Variants in USP6 observed in about 807,000 individuals in gnomAD.
The protein encoded by USP6 is ubiquitin carboxyl-terminal hydrolase 6.
In USP6, 128 loss-of-function variants were observed where a neutral mutation model predicts 175.7. The observed-to-expected ratio is 0.73, with a 90% CI of 0.63 to 0.84. The LOEUF (loss-of-function observed/expected upper bound fraction) is 0.84, where lower values mean the gene tolerates loss of function less well. Among genes scored for constraint, USP6 ranks in the 40% least tolerant of loss-of-function variants. The pLI is 0.00. For missense variants in USP6, 1,498 were observed against 1,760.3 expected, an observed-to-expected ratio of 0.85 and a Z score of 2.67; for synonymous variants, 562 against 630.6, an observed-to-expected ratio of 0.89 and a Z score of 1.63.
intron 36 of USP6, 105 bp downstream of exon 36, chr17:5,171,020 A>G: frequency 7.3e-7 from 1 of 1,378,810 alleles, no homozygotes; most frequent in Non-Finnish European, 9.9e-7. Flanking sequence ...ATTTCCTAGC[A>G]TTGAGCTTAG....
Position 5,124,949 on chromosome 17 carries a change from A to G in USP6, c.-915A>G, listed in dbSNP as rs1380830671. 2 of 152,242 alleles carry G rather than the reference A, an allele frequency of 1.3e-5. No individual in the cohort carries two copies. Among genetic ancestry groups the G allele is most frequent in the Non-Finnish European group, 2.9e-5 (2 of 68,054 alleles). The allele number at this position is 152,242 out of a possible 1,614,324, so 9.4% of individuals were successfully genotyped here. A position where few individuals can be genotyped will look rare whatever the true frequency, so the allele number is the denominator to read the frequency against. On this transcript the variant is annotated 5_prime_UTR_variant, in exon 5 of 38. Coordinates refer to ENST00000574788, the MANE Select transcript of USP6 (RefSeq NM_001304284.2). ...TAATAATGTATTTATCTTGCTGGGT[A>G]AATGAGGGATACCCAACTGTTAGGA...
Position 5,170,431 on chromosome 17 carries a change from C to T in USP6, c.3518-48C>T, listed in dbSNP as rs776987352. On this transcript the variant is annotated intron_variant, in intron 35 of 37. Coordinates refer to ENST00000574788, the MANE Select transcript of USP6 (RefSeq NM_001304284.2). ...GGAGTTAGCATTTGGGGCTGGCTTA[C>T]TTTCTGGCATTTGGATTTGTGAATC... is the stretch of plus-strand genomic sequence containing the variant. 1.9e-5 allele frequency: 29 copies of T among 1,540,146 alleles called. No individual in the cohort carries two copies. In the East Asian group the frequency reaches 3.2e-4, roughly 17 times the overall value.
chr17:5,117,967 G>A (rs2072571639), intron 1 of USP6, among the ~76,000 whole-genome samples: 1 of 151,860 alleles, frequency 6.6e-6, no homozygotes, highest in South Asian at 2.1e-4. Context: ...TCCTCAGGAG[G>A]CTGAGGCAGG....
In USP6 at chr17:5,136,713, A is replaced by C. The variant is rs769349012; in HGVS notation, c.738A>C (p.Gln246His). 1 of 1,612,274 alleles carries C rather than the reference A, an allele frequency of 6.2e-7. No homozygotes were observed. The change falls in exon 18 of 38, where the codon CAA becomes CAC. Residue 246 changes from glutamine (Q) to histidine (H), a missense_variant. Physicochemically the swap from Gln to His is conservative, Grantham distance 24. Around this residue, in one of 2 missense-constraint regions of USP6, gnomAD observed 1,217 missense variants for 1,500.8 expected, o/e 0.81. Transcript: ENST00000574788. ...AGGAGCATGTGGTACCCAAGTCACA[A>C]CCCAAGACCATGTGGCATCAGGTGA... ...DQQEHVVPKS[Q>H]PKTMWHQDKE...
At chr17:5,119,716 A>C (rs1427520957) in intron 2 of USP6, among the ~76,000 whole-genome samples, 1 of 152,202 alleles carries the variant, frequency 6.6e-6, no homozygotes, top group Non-Finnish European at 1.5e-5. Context: ...GCTAATTATT[A>C]TAATTAATTA....
rs763923253 is a variant in USP6, at chr17:5,130,411, G to A, written c.44G>A (p.Arg15Gln). The A allele has an allele frequency of 8.7e-6, 14 of 1,614,010 alleles. No individual in the cohort carries two copies. The highest frequency in any genetic ancestry group is 1.7e-5 in the Admixed American group (1 of 59,992). The change falls in exon 10 of 38, where the codon CGG becomes CAG. Residue 15 changes from arginine to glutamine, a missense_variant. Physicochemically the swap from Arg to Gln is conservative, Grantham distance 43 (BLOSUM62 1). Coordinates refer to ENST00000574788, the MANE Select transcript of USP6 (RefSeq NM_001304284.2). ...ENADSLQAQERKDILMKYDKG... is the reference protein window; with the variant it reads ...ENADSLQAQEQKDILMKYDKG... ...GCAGATAGTTTGCAGGCACAGGAGCGGAAGGACATACTTATGAAGTATGAC... is the reference window on the plus strand; with the variant it reads ...GCAGATAGTTTGCAGGCACAGGAGCAGAAGGACATACTTATGAAGTATGAC...
At chr17:5,128,308 G>A (rs558901299) in intron 7 of USP6, 1 of 152,268 alleles carries the variant, frequency 6.6e-6, no homozygotes, top group African/African-American at 2.4e-5. Flanking sequence ...GAATATCCAA[G>A]GGTCATGGAG....
chr17:5,139,623 T>A lies in USP6; in HGVS notation c.1447T>A (p.Ser483Thr). 6.2e-7 allele frequency: 1 copy of A among 1,613,110 alleles called. No individual in the cohort carries two copies. Among genetic ancestry groups the A allele is most frequent in the Non-Finnish European group, 8.5e-7 (1 of 1,180,004 alleles). The part of the protein sequence containing the change: ...FEWSCWVRAI[S>T]QEDQLATCWQ... ...ATGGAGCTGCTGGGTCCGTGCCATA[T>A]CCCAGGAGGACCAGCTGGCCACCTG... is the stretch of plus-strand genomic sequence containing the variant. Residue 483 changes from serine (S) to threonine (T), a missense_variant, in exon 22 of 38, where the codon TCC becomes ACC. Physicochemically the swap from Ser to Thr is moderately conservative, Grantham distance 58. Around this residue, in one of 2 missense-constraint regions of USP6, gnomAD observed 1,217 missense variants for 1,500.8 expected, o/e 0.81. Transcript: ENST00000574788.
In USP6 at chr17:5,132,044, G is replaced by A. The variant is rs760205449; in HGVS notation, c.156-352G>A. Among the ~76,000 whole-genome samples the A allele has an allele frequency of 1.3e-5, 2 of 152,076 alleles. No homozygotes were observed. The highest frequency in any genetic ancestry group is 2.4e-5 in the African/African-American group (1 of 41,388). On this transcript the variant is annotated intron_variant, in intron 11 of 37. Coordinates refer to ENST00000574788, the MANE Select transcript of USP6 (RefSeq NM_001304284.2). This position sits in a 1 kb window ranked among gnomAD's most constrained non-coding sequence, Gnocchi z 4.7. The stretch of plus-strand genomic sequence containing the variant: ...GAGGGACTCCTGTCAGGGCCCGGTC[G>A]CCCATGCTGGGTGGCCCCCATCCCA...
Position 5,173,630 on chromosome 17 carries a change from A to G in USP6, c.*652A>G, listed in dbSNP as rs1598117384. Reference sequence around the variant, plus strand: ...GTCAGTCTGAAAGGGAGGCTCTCTTAAGAGCTATGTGCCTTCCAACCAGAG... The same window carrying G: ...GTCAGTCTGAAAGGGAGGCTCTCTTGAGAGCTATGTGCCTTCCAACCAGAG... On this transcript the variant is annotated 3_prime_UTR_variant, in exon 38 of 38. Transcript: ENST00000574788. 1 of 219,840 alleles carries G rather than the reference A, an allele frequency of 4.5e-6. No individual in the cohort carries two copies. Among genetic ancestry groups the G allele is most frequent in the East Asian group, 6.7e-5 (1 of 14,998 alleles). 13.6% of individuals were successfully genotyped at this position (219,840 alleles called of 1,614,324 possible).
At chr17:5,135,760 T>C in intron 16 of USP6, 48 bp from the exon 17 acceptor site, 1 of 1,597,196 alleles carries the variant, frequency 6.3e-7, no homozygotes, top group East Asian at 2.2e-5. Context: ...CCAGGTGACC[T>C]CAGCCCTCCC....
rs1030771850 is a variant in USP6, at chr17:5,148,604, A to G, written c.2480A>G (p.Asn827Ser). 9.9e-6 allele frequency: 16 copies of G among 1,613,846 alleles called. No homozygotes were observed. The highest frequency in any genetic ancestry group is 6.7e-5 in the Admixed American group (4 of 60,000). The change falls in exon 30 of 38, where the codon AAT becomes AGT. Residue 827 changes from asparagine to serine, a missense_variant. By Grantham distance (46) the Asn-to-Ser change is conservative. Coordinates refer to ENST00000574788, the MANE Select transcript of USP6 (RefSeq NM_001304284.2). ...AATGGAATGTTCACCCTAACTACCA[A>G]TGGGGACCTACCCAAACCAATATTC... The part of the protein sequence containing the change: ...STNGMFTLTT[N>S]GDLPKPIFIP...
chr17:5,134,294 A>G, intron 15 of USP6: 2 of 376,028 alleles, frequency 5.3e-6, no homozygotes, highest in Non-Finnish European at 1.0e-5. Flanking sequence ...CCATGGTAGG[A>G]CCCACAGGAG....
In USP6 at chr17:5,171,640, A is replaced by G. The variant is rs1486327677; in HGVS notation, c.4008A>G (p.Pro1336=). The G allele has an allele frequency of 2.5e-6, 4 of 1,613,886 alleles. No individual in the cohort carries two copies. The highest frequency in any genetic ancestry group is 3.4e-6 in the Non-Finnish European group (4 of 1,179,820). The change falls in exon 37 of 38, where the codon CCA becomes CCG. Residue 1336 remains proline (P), a synonymous_variant. Coordinates refer to ENST00000574788, the MANE Select transcript of USP6 (RefSeq NM_001304284.2). ...GGHYITYAKN[P]NCKWYCYNDS... The stretch of plus-strand genomic sequence containing the variant: ...ATTACATCACTTATGCCAAAAACCC[A>G]AACTGCAAGTGGTACTGTTATAATG...
At chr17:5,159,246 T>C (rs542959530) in intron 31 of USP6, among the ~76,000 whole-genome samples, 1 of 152,180 alleles carries the variant, frequency 6.6e-6, no homozygotes, top group East Asian at 1.9e-4. Flanking sequence ...CCCAAAAAGA[T>C]AGGAGGTTGT....
chr17:5,154,635 C>T (rs1043494329), intron 30 of USP6, among the ~76,000 whole-genome samples: 19 of 152,134 alleles, frequency 1.2e-4, no homozygotes, highest in African/African-American at 4.6e-4. Flanking sequence ...TTTCACAAAT[C>T]TCCAAAACTT....
At chr17:5,148,083 T>C (rs1418585902) in intron 29 of USP6, among the ~76,000 whole-genome samples, 1 of 152,158 alleles carries the variant, frequency 6.6e-6, no homozygotes, top group Non-Finnish European at 1.5e-5. Flanking sequence ...TTCACCATGT[T>C]GCCTAGGCTG....
chr17:5,145,704 G>A lies in USP6; in HGVS notation c.2167+125G>A, dbSNP rs973624054. The A allele has an allele frequency of 2.0e-5, 26 of 1,300,040 alleles. No individual in the cohort carries two copies. In the African/African-American group the frequency reaches 4.0e-4, roughly 20 times the overall value. The allele number at this position is 1,300,040 out of a possible 1,614,324, so 80.5% of individuals were successfully genotyped here. A position where few individuals can be genotyped will look rare whatever the true frequency, so the allele number is the denominator to read the frequency against. On this transcript the variant is annotated intron_variant, in intron 27 of 37. Coordinates refer to ENST00000574788, the MANE Select transcript of USP6 (RefSeq NM_001304284.2). The stretch of plus-strand genomic sequence containing the variant: ...CTGGTAGTCAGCATATTATAATCGA[G>A]CAACCTAATTTTAGGCATGACTTGA...
chr17:5,170,899 A>G lies in USP6; in HGVS notation c.3938A>G (p.Asn1313Ser), dbSNP rs770818654. ...REDTHIKPIY[N>S]LYAISCHSGI... ...GACACTCATATTAAGCCTATTTATAATCTATATGCAATTTCAGTAAGTGGT... is the reference window on the plus strand; with the variant it reads ...GACACTCATATTAAGCCTATTTATAGTCTATATGCAATTTCAGTAAGTGGT... The change falls in exon 36 of 38, where the codon AAT becomes AGT. Residue 1313 changes from asparagine to serine, a missense_variant. Transcript: ENST00000574788. 29 of 1,610,834 alleles carry G rather than the reference A, an allele frequency of 1.8e-5. No homozygotes were observed. The African/African-American group carries it at 3.7e-4, about 21-fold the overall frequency.
Sources: allele counts gnomAD v4.1 joint callset (sites outside exome capture counted in the v4.1 genomes callset), GRCh38; gene constraint gnomAD v4.1.1; regional missense constraint gnomAD v4.1.1; non-coding constraint Gnocchi (gnomAD v3.1); transcripts MANE v1.5; gene names NCBI Gene and HGNC (gene_info 2026-07-23, HGNC 2026-07-21).